KIF26A: variants seen among roughly 807,000 people sequenced by gnomAD.
The protein encoded by KIF26A is kinesin family member 26A.
KIF26A carries 74 observed loss-of-function variants against 126.0 expected under a neutral mutation model. The ratio of observed to expected loss-of-function variants is 0.59; its 90% CI spans 0.49 to 0.71. The LOEUF (loss-of-function observed/expected upper bound fraction) is 0.71, where lower values mean the gene tolerates loss of function less well. Ranked by LOEUF, KIF26A falls within the 30% of genes least tolerant of loss-of-function variation. KIF26A has a pLI of 0.00. For missense variants in KIF26A, 2,984 were observed against 2,763.3 expected (o/e 1.08, Z -1.79); for synonymous variants, 1,445 against 1,232.7 (o/e 1.17, Z -3.61).
intron 5 of KIF26A, among the ~76,000 whole-genome samples, chr14:104,168,709 T>G (rs2037929908): frequency 6.6e-6 from 1 of 152,150 alleles, no homozygotes; most frequent in African/African-American, 2.4e-5. Flanking sequence ...CCGTTTGTGG[T>G]AAGGAGGGCT....
At chr14:104,146,172 A>G (rs1300841924) in intron 2 of KIF26A, among the ~76,000 whole-genome samples, 1 of 152,172 alleles carries the variant, frequency 6.6e-6, no homozygotes, top group African/African-American at 2.4e-5. Context: ...CCTGGTAGCC[A>G]GTGAACAGGG....
At chr14:104,154,999 G>T (rs569746295) in intron 3 of KIF26A, among the ~76,000 whole-genome samples, 123 of 152,318 alleles carry the variant, frequency 8.1e-4, no homozygotes, top group South Asian at 7.0e-3. Context: ...TTGAACTCAG[G>T]GCTGTCCAGG....
Position 104,148,507 on chromosome 14 carries a change from T to C in KIF26A, c.289-3508T>C, listed in dbSNP as rs905061832. 2.0e-5 allele frequency among the ~76,000 whole-genome samples: 3 copies of C among 151,842 alleles called. No individual in the cohort carries two copies. Among genetic ancestry groups the C allele is most frequent in the Non-Finnish European group, 2.9e-5 (2 of 67,958 alleles). ...CCTGAAATTGGGGGGCAGTAACCCG[T>C]TGGGGGCTTGGGCCAGAGGACCCCG... On this transcript the variant is annotated intron_variant, in intron 2 of 14. Coordinates refer to ENST00000423312, the MANE Select transcript of KIF26A (RefSeq NM_015656.2). This position sits in a 1 kb window ranked among gnomAD's most constrained non-coding sequence, Gnocchi z 4.3.
Position 104,178,565 on chromosome 14 carries a change from G to T in KIF26A, c.5126G>T (p.Arg1709Leu). 1 of 1,476,896 alleles carries T rather than the reference G, an allele frequency of 6.8e-7. No individual in the cohort carries two copies. 91.5% of individuals were successfully genotyped at this position (1,476,896 alleles called of 1,614,324 possible). A position where few individuals can be genotyped will look rare whatever the true frequency, so the allele number is the denominator to read the frequency against. ...KKRATGLQRR[R>L]LIPAPLPDTT... The stretch of plus-strand genomic sequence containing the variant: ...TCCGTTCCAGGTCTGCAGCGGCGGC[G>T]CCTGATTCCCGCCCCACTGCCCGAC... Residue 1709 changes from arginine (R) to leucine (L), a missense_variant, in exon 13 of 15, where the codon CGC (arginine) becomes CTC (leucine). Arg to Leu is a moderately radical substitution (Grantham distance 102). Coordinates refer to ENST00000423312, the MANE Select transcript of KIF26A (RefSeq NM_015656.2).
At chr14:104,140,406 G>A (rs1023537389) in intron 2 of KIF26A, among the ~76,000 whole-genome samples, 1 of 152,182 alleles carries the variant, frequency 6.6e-6, no homozygotes. Context: ...AGTTTAAAAG[G>A]TAGCAGGAGA....
In KIF26A at chr14:104,173,213, C is replaced by A. The variant is rs751742074; in HGVS notation, c.1657C>A (p.Arg553=). ...CACCCAGTCTCCGGGAGTGTACCTG[C>A]GGGAGGACCCCGTGTGTGGGGCGCA... The part of the protein sequence containing the change: ...QDTQSPGVYL[R]EDPVCGAQLQ... The change falls in exon 8 of 15, where the codon CGG becomes AGG. Residue 553 remains arginine, a synonymous_variant. Coordinates refer to ENST00000423312, the MANE Select transcript of KIF26A (RefSeq NM_015656.2). The A allele has an allele frequency of 1.9e-6, 3 of 1,610,420 alleles. No homozygotes were observed. Among genetic ancestry groups the A allele is most frequent in the Admixed American group, 3.3e-5 (2 of 59,940 alleles).
At chr14:104,170,659 C>T (rs79815076) in intron 5 of KIF26A, among the ~76,000 whole-genome samples, 1 of 152,264 alleles carries the variant, frequency 6.6e-6, no homozygotes, top group African/African-American at 2.4e-5. Flanking sequence ...TGCGTTGGAG[C>T]CCTGGTTCAG....
intron 3 of KIF26A, among the ~76,000 whole-genome samples, chr14:104,154,821 G>A (rs1310118612): frequency 2.0e-5 from 3 of 152,188 alleles, no homozygotes; most frequent in Non-Finnish European, 4.4e-5. Flanking sequence ...GGGCAGTGTG[G>A]GGTGCTGGAG....
rs548272187 is a variant in KIF26A at position 104,152,908 on chromosome 14, C to T, written c.735+447C>T. ...GGCGGGGGACCGGCAGTTGCAATTG[C>T]TGGAGATGCGTTGCCTGCCCCTGTG... On this transcript the variant is annotated intron_variant, in intron 3 of 14. Coordinates refer to ENST00000423312, the MANE Select transcript of KIF26A (RefSeq NM_015656.2). This position sits in a 1 kb window ranked among gnomAD's most constrained non-coding sequence, Gnocchi z 5.9. Among the ~76,000 whole-genome samples, 1 of 152,234 alleles carries T rather than the reference C, an allele frequency of 6.6e-6. No individual in the cohort carries two copies. The highest frequency in any genetic ancestry group is 6.5e-5 in the Admixed American group (1 of 15,300).
rs1274274925 is a variant in KIF26A at position 104,175,297 on chromosome 14, C to T, written c.2509C>T (p.Arg837Cys). 6.2e-6 allele frequency: 10 copies of T among 1,604,980 alleles called. No homozygotes were observed. Among genetic ancestry groups the T allele is most frequent in the East Asian group, 2.2e-5 (1 of 44,844 alleles). ...SKGPRDADHFRCSTFAELQER... is the reference protein window; with the variant it reads ...SKGPRDADHFCCSTFAELQER... Reference sequence around the variant, plus strand: ...GGGTCCCCGAGACGCAGACCACTTCCGCTGCAGCACCTTCGCGGAGCTGCA... The same window carrying T: ...GGGTCCCCGAGACGCAGACCACTTCTGCTGCAGCACCTTCGCGGAGCTGCA... The change falls in exon 12 of 15, where the codon CGC becomes TGC. Residue 837 changes from arginine (R) to cysteine (C), a missense_variant. Transcript: ENST00000423312.
chr14:104,139,003 T>C (rs1046282091), intron 1 of KIF26A, 40 bp from the exon 2 acceptor site: 1 of 1,327,150 alleles, frequency 7.5e-7, no homozygotes, highest in African/African-American at 1.5e-5. Context: ...CCGACGGACG[T>C]CCCAGGCTCA....
rs1329509545 is a variant in KIF26A, at chr14:104,179,594, T to TCCTCCCCTCC, written c.5468-12_5468-3dup. ...GCCTGACGCAGGTGCCCCTCCCCTC[T>TCCTCCCCTCC]CCTCCCCTCCCCAGTTGAGGTGGAC... On this transcript the variant is annotated splice_polypyrimidine_tract_variant and intron_variant, in intron 14 of 14. Transcript: ENST00000423312. The TCCTCCCCTCC allele has an allele frequency of 6.0e-6, 9 of 1,500,500 alleles. No homozygotes were observed. The highest frequency in any genetic ancestry group is 1.4e-5 in the African/African-American group (1 of 71,778). 92.9% of individuals were successfully genotyped at this position (1,500,500 alleles called of 1,614,324 possible).
At chr14:104,165,684 T>C (rs1297072625) in intron 4 of KIF26A, among the ~76,000 whole-genome samples, 1 of 151,896 alleles carries the variant, frequency 6.6e-6, no homozygotes, top group African/African-American at 2.4e-5. Flanking sequence ...TATGCATATG[T>C]GTGACTGTGT....
At chr14:104,178,294 A>C (rs2038058736) in intron 12 of KIF26A, among the ~76,000 whole-genome samples, 5 of 152,032 alleles carry the variant, frequency 3.3e-5, no homozygotes, top group Admixed American at 2.0e-4. Context: ...GGGCTGCCCC[A>C]AGGGACAGAA....
At position 104,138,750 on chromosome 14, in the gene KIF26A, G is replaced by A; in HGVS notation, c.28G>A (p.Ala10Thr). 1 of 1,265,770 alleles carries A rather than the reference G, an allele frequency of 7.9e-7. No homozygotes were observed. The allele number at this position is 1,265,770 out of a possible 1,614,324, so 78.4% of individuals were successfully genotyped here. The change falls in exon 1 of 15, where the codon GCT (alanine) becomes ACT (threonine). Residue 10 changes from alanine (A) to threonine (T), a missense_variant. Transcript: ENST00000423312. MVGRGVPLC[A>T]AQPAVAEGGP... ...GGTCGGCCGCGGCGTCCCTCTGTGC[G>A]CTGCGCAGCCCGCGGTACGCGCGGC...
At chr14:104,161,191 G>T (rs1000101761) in intron 4 of KIF26A, among the ~76,000 whole-genome samples, 3 of 152,194 alleles carry the variant, frequency 2.0e-5, no homozygotes, top group Admixed American at 2.0e-4. Context: ...GCTGCCTCCA[G>T]CTGGGGTCCA....
rs558066324 is a variant in KIF26A, at chr14:104,150,061, C to T, written c.289-1954C>T. 7.2e-5 allele frequency among the ~76,000 whole-genome samples: 11 copies of T among 152,184 alleles called. No individual in the cohort carries two copies. In the South Asian group the frequency reaches 8.3e-4, roughly 11 times the overall value. ...CATGTAGACCTGTGTGCCCACTGGC[C>T]GCATCAGCAGAGCTAAGCGGGGCTC... On this transcript the variant is annotated intron_variant, in intron 2 of 14. Transcript: ENST00000423312.
chr14:104,157,874 G>A lies in KIF26A; in HGVS notation c.855G>A (p.Leu285=), dbSNP rs1378043301. ...WGRGGVCTSA[L]VTPTPGSVGG... The stretch of plus-strand genomic sequence containing the variant: ...GTGGTGGAGTCTGCACGTCAGCCCT[G>A]GTCACCCCCACCCCGGGCTCGGTGG... The change falls in exon 4 of 15, where the codon CTG becomes CTA. Residue 285 remains leucine (L), a synonymous_variant. Coordinates refer to ENST00000423312, the MANE Select transcript of KIF26A (RefSeq NM_015656.2). The A allele has an allele frequency of 3.1e-6, 5 of 1,596,904 alleles. No individual in the cohort carries two copies. The highest frequency in any genetic ancestry group is 3.4e-6 in the Non-Finnish European group (4 of 1,170,124).
In KIF26A at chr14:104,177,778, C is replaced by T. The variant is rs753386362; in HGVS notation, c.4990C>T (p.Arg1664Trp). 3.7e-5 allele frequency: 57 copies of T among 1,549,324 alleles called. No homozygotes were observed. The highest frequency in any genetic ancestry group is 6.8e-5 in the African/African-American group (5 of 73,528). The change falls in exon 12 of 15, where the codon CGG (arginine) becomes TGG (tryptophan). Residue 1664 changes from arginine (R) to tryptophan (W), a missense_variant. By Grantham distance (101) the Arg-to-Trp change is moderately radical. Transcript: ENST00000423312. ...SGGSSGYESLRRDSEATGSAS... is the reference protein window; with the variant it reads ...SGGSSGYESLWRDSEATGSAS... Reference sequence around the variant, plus strand: ...TGGCAGCAGTGGCTATGAGAGCCTGCGGCGCGACAGCGAGGCCACCGGCAG... The same window carrying T: ...TGGCAGCAGTGGCTATGAGAGCCTGTGGCGCGACAGCGAGGCCACCGGCAG...
Sources: gnomAD v4.1 joint callset for allele counts (sites outside exome capture counted in the v4.1 genomes callset) on GRCh38, gnomAD v4.1.1 for gene constraint, Gnocchi (gnomAD v3.1) non-coding constraint, MANE v1.5 for transcripts, NCBI Gene and HGNC (gene_info 2026-07-23, HGNC 2026-07-21) for gene names.